The following SPAG6 variants were observed in gnomAD, a reference collection of about 807,000 sequenced individuals.
SPAG6 encodes the protein sperm-associated antigen 6.
A neutral mutation model predicts 58.5 loss-of-function variants in SPAG6; 49 were observed. The observed-to-expected ratio is 0.84, with a 90% CI of 0.67 to 1.06. The LOEUF (loss-of-function observed/expected upper bound fraction) is 1.06, where lower values mean the gene tolerates loss of function less well. Ranked by LOEUF, SPAG6 falls within the 50% of genes least tolerant of loss-of-function variation. The pLI is 0.00. For missense variants in SPAG6, 560 were observed against 611.3 expected, an observed-to-expected ratio of 0.92 and a Z score of 0.89; for synonymous variants, 233 against 225.6, an observed-to-expected ratio of 1.03 and a Z score of -0.29.
intron 4 of SPAG6, among the ~76,000 whole-genome samples, chr10:22,373,490 T>C (rs1231328016): frequency 2.6e-5 from 4 of 152,160 alleles, no homozygotes; most frequent in South Asian, 2.1e-4. Flanking sequence ...ACACAAAATA[T>C]AGTCTTAGCA....
intron 2 of SPAG6, among the ~76,000 whole-genome samples, chr10:22,357,573 T>A (rs1389067415): frequency 6.6e-6 from 1 of 152,052 alleles, no homozygotes; most frequent in Non-Finnish European, 1.5e-5. Flanking sequence ...AGGGAACTGA[T>A]TTTTTTCTCT....
At chr10:22,386,245 T>A (rs576973286) in intron 4 of SPAG6, among the ~76,000 whole-genome samples, 1 of 152,308 alleles carries the variant, frequency 6.6e-6, no homozygotes, top group East Asian at 1.9e-4. Flanking sequence ...ATGAAATTTT[T>A]AAAAAATCTT....
In SPAG6 at chr10:22,397,448, G is replaced by A. The variant is rs1302111555; in HGVS notation, c.1198-3713G>A. Among the ~76,000 whole-genome samples, 3 of 152,094 alleles carry A rather than the reference G, an allele frequency of 2.0e-5. No individual in the cohort carries two copies. In the East Asian group the frequency reaches 5.8e-4, roughly 29 times the overall value. On this transcript the variant is annotated intron_variant, in intron 8 of 10. Transcript: ENST00000376624. ...GTGCCTCAGCCTCCTGAGTAGTTGGGATTACAGGCATGTACCACCATGCCT... is the reference window on the plus strand; with the variant it reads ...GTGCCTCAGCCTCCTGAGTAGTTGGAATTACAGGCATGTACCACCATGCCT...
chr10:22,382,247 A>G (rs1833973623), intron 4 of SPAG6, among the ~76,000 whole-genome samples: 1 of 152,186 alleles, frequency 6.6e-6, no homozygotes, highest in Admixed American at 6.5e-5. Flanking sequence ...TCTTCACTCA[A>G]AATGAGCTAC....
chr10:22,369,759 A>G (rs1484495902), intron 4 of SPAG6, among the ~76,000 whole-genome samples: 1 of 152,228 alleles, frequency 6.6e-6, no homozygotes, highest in Non-Finnish European at 1.5e-5. Flanking sequence ...GACATATGGC[A>G]ATACTCAGTA....
intron 4 of SPAG6, among the ~76,000 whole-genome samples, chr10:22,369,182 T>C (rs1445165170): frequency 6.6e-6 from 1 of 152,126 alleles, no homozygotes; most frequent in East Asian, 1.9e-4. Flanking sequence ...CATAACTTCC[T>C]GGAAAATATT....
At chr10:22,361,800 G>A (rs961990580) in intron 2 of SPAG6, among the ~76,000 whole-genome samples, 1 of 151,804 alleles carries the variant, frequency 6.6e-6, no homozygotes, top group African/African-American at 2.4e-5. Context: ...CAGGAGATTT[G>A]TGATAGATTA....
At chr10:22,409,200 T>C (rs1168761619) in intron 9 of SPAG6, among the ~76,000 whole-genome samples, 2 of 152,046 alleles carry the variant, frequency 1.3e-5, no homozygotes, top group Non-Finnish European at 2.9e-5. Flanking sequence ...TAAAAAGAGA[T>C]GATAAAGCAA....
intron 3 of SPAG6, among the ~76,000 whole-genome samples, chr10:22,366,251 A>G (rs983743415): frequency 3.3e-5 from 5 of 152,216 alleles, no homozygotes; most frequent in Non-Finnish European, 5.9e-5. Flanking sequence ...GTACTGATAA[A>G]TGCTACACCA....
chr10:22,365,049 T>C, intron 3 of SPAG6, 30 bp downstream of exon 3: 3 of 1,519,560 alleles, frequency 2.0e-6, no homozygotes, highest in Non-Finnish European at 2.7e-6. Context: ...AGTTATATGT[T>C]TTTTTGTTTT....
chr10:22,346,451 CT>C (rs1836539508), intron 2 of SPAG6, among the ~76,000 whole-genome samples: 8 of 138,120 alleles, frequency 5.8e-5, no homozygotes, highest in Admixed American at 4.9e-4. Context: ...TCTTCTTCTT[CT>C]TCTTCTTCTT....
Position 22,408,972 on chromosome 10 carries a change from G to A in SPAG6, c.1315-2059G>A, listed in dbSNP as rs538911691. On this transcript the variant is annotated intron_variant, in intron 9 of 10. Coordinates refer to ENST00000376624, the MANE Select transcript of SPAG6 (RefSeq NM_012443.4). ...TGACCCCTTGCGCTTCCCGAGTGAGGCAATGCCTCGCCCTGCTTCGGCTCG... is the reference window on the plus strand; with the variant it reads ...TGACCCCTTGCGCTTCCCGAGTGAGACAATGCCTCGCCCTGCTTCGGCTCG... Among the ~76,000 whole-genome samples, 549 of 152,314 alleles carry A rather than the reference G, an allele frequency of 3.6e-3. 2 individuals are homozygous for A. The highest frequency in any genetic ancestry group is 0.013 in the African/African-American group (531 of 41,554).
chr10:22,354,882 G>A (rs761470685), intron 2 of SPAG6, among the ~76,000 whole-genome samples: 6 of 151,904 alleles, frequency 3.9e-5, no homozygotes, highest in East Asian at 1.9e-4. Flanking sequence ...GGTGGCAGGC[G>A]CCTGTAATCC....
chr10:22,409,871 TAAG>T (rs1209978218), intron 9 of SPAG6, among the ~76,000 whole-genome samples: 1 of 152,194 alleles, frequency 6.6e-6, no homozygotes, highest in Non-Finnish European at 1.5e-5. Context: ...TCCCTGATCC[TAAG>T]ATCAAAACCT....
At chr10:22,348,850 C>T (rs1043893522) in intron 2 of SPAG6, among the ~76,000 whole-genome samples, 5 of 151,922 alleles carry the variant, frequency 3.3e-5, no homozygotes, top group Middle Eastern at 3.2e-3. Context: ...TTTTTGTTTT[C>T]GAGACAGGGT....
rs1389966937 is a variant in SPAG6 at position 22,417,077 on chromosome 10, C to T, written c.*389C>T. The T allele has an allele frequency of 1.8e-5, 3 of 169,022 alleles. No homozygotes were observed. The highest frequency in any genetic ancestry group is 1.3e-5 in the Non-Finnish European group (1 of 77,396). The allele number at this position is 169,022 out of a possible 1,614,324, so 10.5% of individuals were successfully genotyped here. On this transcript the variant is annotated 3_prime_UTR_variant, in exon 11 of 11. Coordinates refer to ENST00000376624, the MANE Select transcript of SPAG6 (RefSeq NM_012443.4). ...CATAGGCATAGGCAAGGAAAGCTGG[C>T]CTTGCTAACTATATAGTAGTATACA...
chr10:22,388,121 C>T (rs1206933873), intron 6 of SPAG6, 125 bp downstream of exon 6: 2 of 730,810 alleles, frequency 2.7e-6, no homozygotes, highest in Non-Finnish European at 2.2e-6. Flanking sequence ...GATTTCTCGT[C>T]TTCTACTGAT....
chr10:22,413,688 GATATAT>G lies in SPAG6; in HGVS notation c.1460+2527_1460+2532del, dbSNP rs59765652. ...ACCTGACTAATGTTTTCAAATTTCTGATATATATATATATATATATTTCACCCACAC... is the reference window on the plus strand; with the variant it reads ...ACCTGACTAATGTTTTCAAATTTCTGATATATATATATATTTCACCCACAC... On this transcript the variant is annotated intron_variant, in intron 10 of 10. Transcript: ENST00000376624. Among the ~76,000 whole-genome samples, 388 of 141,644 alleles carry G rather than the reference GATATAT, an allele frequency of 2.7e-3. 3 individuals carry two copies. Among genetic ancestry groups the G allele is most frequent in the African/African-American group, 0.01 (365 of 35,292 alleles). 92.9% of individuals were successfully genotyped at this position (141,644 alleles called of 152,430 possible).
At chr10:22,412,348 AT>A in intron 10 of SPAG6, 1 of 626,864 alleles carries the variant, frequency 1.6e-6, no homozygotes, top group East Asian at 2.8e-5. Context: ...CCTGTTTAAT[AT>A]CAATGGTGTT....
Sources: gnomAD v4.1 joint callset for allele counts (sites outside exome capture counted in the v4.1 genomes callset) on GRCh38, gnomAD v4.1.1 for gene constraint, MANE v1.5 for transcripts, NCBI Gene and HGNC (gene_info 2026-07-23, HGNC 2026-07-21) for gene names.